Variants in SLC27A2 observed in about 807,000 individuals in gnomAD.
The protein encoded by SLC27A2 is solute carrier family 27 member 2.
In SLC27A2, 54 loss-of-function variants were observed where a neutral mutation model predicts 60.0. The ratio of observed to expected loss-of-function variants is 0.90; its 90% CI spans 0.72 to 1.13. The LOEUF (loss-of-function observed/expected upper bound fraction) is 1.13. SLC27A2 is among the 50% of genes most tolerant of loss of function. The pLI is 0.00. For synonymous variants in SLC27A2, 297 were observed against 297.6 expected, an observed-to-expected ratio of 1.00 and a Z score of 0.02; for missense variants, 739 against 777.6, an observed-to-expected ratio of 0.95 and a Z score of 0.59.
chr15:50,198,836 C>T (rs1469458362), intron 2 of SLC27A2, among the ~76,000 whole-genome samples: 1 of 152,120 alleles, frequency 6.6e-6, no homozygotes, highest in Non-Finnish European at 1.5e-5. Flanking sequence ...CCTTTTATCT[C>T]AGCTGCAGCT....
intron 4 of SLC27A2, among the ~76,000 whole-genome samples, chr15:50,218,818 G>C (rs2045221260): frequency 6.6e-6 from 1 of 152,174 alleles, no homozygotes. Flanking sequence ...CAAGGAAAGA[G>C]AGACAAAGGG....
At chr15:50,222,687 G>T (rs935194154) in intron 4 of SLC27A2, among the ~76,000 whole-genome samples, 2 of 152,124 alleles carry the variant, frequency 1.3e-5, no homozygotes, top group Non-Finnish European at 2.9e-5. Context: ...GCCTCATCTG[G>T]CTCCTTAGAA....
rs527404968 is a variant in SLC27A2 at position 50,231,719 on chromosome 15, A to G, written c.1556-2149A>G. On this transcript the variant is annotated intron_variant, in intron 8 of 9. Transcript: ENST00000267842. ...TCAGTGAGTTCTGGGAGCCACTGAA[A>G]CAGAACAAAGGGAAGGAGATTGACA... 8.5e-5 allele frequency among the ~76,000 whole-genome samples: 13 copies of G among 152,262 alleles called. No individual in the cohort carries two copies. In the South Asian group the frequency reaches 2.7e-3, roughly 32 times the overall value.
intron 1 of SLC27A2, among the ~76,000 whole-genome samples, chr15:50,189,916 T>C (rs1397071708): frequency 1.3e-5 from 2 of 152,220 alleles, no homozygotes; most frequent in African/African-American, 4.8e-5. Context: ...CAAGAGTTCA[T>C]ATAAGCAAGA....
intron 7 of SLC27A2, among the ~76,000 whole-genome samples, chr15:50,227,616 A>G (rs1473018705): frequency 6.6e-6 from 1 of 152,172 alleles, no homozygotes; most frequent in Non-Finnish European, 1.5e-5. Context: ...TTCATCCCCA[A>G]CCAGATGGTT....
At chr15:50,227,301 A>G in intron 7 of SLC27A2, 123 bp downstream of exon 7, 1 of 715,726 alleles carries the variant, frequency 1.4e-6, no homozygotes, top group Non-Finnish European at 2.4e-6. Flanking sequence ...ACATCAGGTC[A>G]AACTCCTGTG....
At chr15:50,201,192 C>T (rs1304525002) in intron 2 of SLC27A2, among the ~76,000 whole-genome samples, 2 of 152,138 alleles carry the variant, frequency 1.3e-5, no homozygotes, top group Admixed American at 6.5e-5. Flanking sequence ...CTATGTTGCC[C>T]AGACTGGTGC....
rs1016114949 is a variant in SLC27A2, at chr15:50,234,016, C to A, written c.1686+18C>A. The A allele has an allele frequency of 1.3e-6, 2 of 1,593,966 alleles. No homozygotes were observed. Among genetic ancestry groups the A allele is most frequent in the Middle Eastern group, 3.4e-4 (2 of 5,944 alleles). ...GAATACAGGTGAGATCTCTTATTATCCAGTTCAATGATCTGTCCTCTTGGA... is the reference window on the plus strand; with the variant it reads ...GAATACAGGTGAGATCTCTTATTATACAGTTCAATGATCTGTCCTCTTGGA... On this transcript the variant is annotated intron_variant, in intron 9 of 9. Coordinates refer to ENST00000267842, the MANE Select transcript of SLC27A2 (RefSeq NM_003645.4).
chr15:50,226,073 C>T lies in SLC27A2; in HGVS notation c.1253C>T (p.Pro418Leu), dbSNP rs1307471877. Residue 418 changes from proline (P) to leucine (L), a missense_variant, in exon 6 of 10, where the codon CCC becomes CTC. Pro to Leu is a moderately conservative substitution (Grantham distance 98, BLOSUM62 -3). Coordinates refer to ENST00000267842, the MANE Select transcript of SLC27A2 (RefSeq NM_003645.4). Reference sequence around the variant, plus strand: ...GAAAATGGATATTGCGTCAGAGTTCCCAAAGGTACAGTGGACTTTTGTTCA... The same window carrying T: ...GAAAATGGATATTGCGTCAGAGTTCTCAAAGGTACAGTGGACTTTTGTTCA... ...RDENGYCVRV[P>L]KGEVGLLVCK... 1.2e-6 allele frequency: 2 copies of T among 1,602,542 alleles called. No homozygotes were observed. Among genetic ancestry groups the T allele is most frequent in the South Asian group, 1.1e-5 (1 of 90,784 alleles).
At chr15:50,196,246 T>A (rs2045022762) in intron 1 of SLC27A2, among the ~76,000 whole-genome samples, 1 of 150,408 alleles carries the variant, frequency 6.6e-6, no homozygotes, top group Non-Finnish European at 1.5e-5. Context: ...GCATATTAAA[T>A]CGGTGCCTTT....
chr15:50,197,455 A>G (rs750772954), intron 1 of SLC27A2, 45 bp from the exon 2 acceptor site: 33 of 1,470,460 alleles, frequency 2.2e-5, no homozygotes, highest in Non-Finnish European at 3.0e-5. Context: ...TAGAACTTTA[A>G]TAGACTGATT....
chr15:50,206,554 C>T (rs2045113847), intron 4 of SLC27A2, among the ~76,000 whole-genome samples: 2 of 151,788 alleles, frequency 1.3e-5, no homozygotes, highest in Admixed American at 1.3e-4. Flanking sequence ...CATTAGAAGA[C>T]AGGCCTCTTC....
rs1398628784 is a variant in SLC27A2 at position 50,196,078 on chromosome 15, ATAT to A, written c.479-1421_479-1419del. Among the ~76,000 whole-genome samples, 66 of 7,776 alleles carry A rather than the reference ATAT, an allele frequency of 8.5e-3. 6 individuals carry two copies. Among genetic ancestry groups the A allele is most frequent in the Non-Finnish European group, 0.012 (58 of 4,936 alleles). 5.1% of individuals were successfully genotyped at this position (7,776 alleles called of 152,430 possible). ...CAAAAAAAAAAAAAAAAAAAAAAAAATATATATATATATATATATATATATATA... is the reference window on the plus strand; with the variant it reads ...CAAAAAAAAAAAAAAAAAAAAAAAAAATATATATATATATATATATATATA... On this transcript the variant is annotated intron_variant, in intron 1 of 9. Transcript: ENST00000267842.
intron 4 of SLC27A2, among the ~76,000 whole-genome samples, 177 bp from the exon 5 acceptor site, chr15:50,222,788 T>C (rs2045252471): frequency 6.6e-6 from 1 of 152,182 alleles, no homozygotes; most frequent in South Asian, 2.1e-4. Flanking sequence ...TAGGGAACGA[T>C]GTGTGTGGGT....
intron 9 of SLC27A2, among the ~76,000 whole-genome samples, chr15:50,235,540 G>T (rs1278274429): frequency 6.6e-6 from 1 of 152,146 alleles, no homozygotes; most frequent in Non-Finnish European, 1.5e-5. Context: ...GCTCCCTAAT[G>T]GAGATCCTGC....
chr15:50,228,368 C>G (rs1300631461), intron 7 of SLC27A2, among the ~76,000 whole-genome samples: 1 of 104,832 alleles, frequency 9.5e-6, no homozygotes, highest in Non-Finnish European at 1.8e-5. Flanking sequence ...TAGAATGAGA[C>G]TCTGCCTCAA....
At chr15:50,191,107 G>A (rs1486408294) in intron 1 of SLC27A2, 1 of 152,198 alleles carries the variant, frequency 6.6e-6, no homozygotes, top group Non-Finnish European at 1.5e-5. Flanking sequence ...CTGACTTGGT[G>A]AGCCTCTTCT....
intron 4 of SLC27A2, among the ~76,000 whole-genome samples, chr15:50,218,778 A>G (rs1342754105): frequency 6.6e-6 from 1 of 152,188 alleles, no homozygotes; most frequent in Non-Finnish European, 1.5e-5. Context: ...TCCAAACAGA[A>G]TGAAAAAAAA....
chr15:50,231,784 C>G (rs561139612), intron 8 of SLC27A2, among the ~76,000 whole-genome samples: 123 of 152,260 alleles, frequency 8.1e-4, no homozygotes, highest in Non-Finnish European at 1.3e-3. Flanking sequence ...GGATGAGGAG[C>G]AGGTGTGTTC....
Sources: gnomAD v4.1 joint callset for allele counts (sites outside exome capture counted in the v4.1 genomes callset) on GRCh38, gnomAD v4.1.1 for gene constraint, MANE v1.5 for transcripts, NCBI Gene and HGNC (gene_info 2026-07-23, HGNC 2026-07-21) for gene names.